The following CACNA1D variants were observed in gnomAD, a reference collection of about 807,000 sequenced individuals.
CACNA1D encodes calcium voltage-gated channel subunit alpha1 D.
Under a neutral mutation model 257.1 loss-of-function variants are expected in CACNA1D, and 55 were observed. The observed-to-expected ratio is 0.21, with a 90% CI of 0.17 to 0.27. The LOEUF is 0.27. CACNA1D is among the 10% of genes least tolerant of loss of function. The probability of loss-of-function intolerance (pLI) is 1.00; values close to 1 mark genes in which losing one functional copy is unlikely to be tolerated. For synonymous variants in CACNA1D, 980 were observed against 1,014.9 expected (o/e 0.97, Z 0.65); for missense variants, 1,876 against 2,784.0 (o/e 0.67, Z 7.34).
intron 3 of CACNA1D, among the ~76,000 whole-genome samples, chr3:53,647,147 C>T (rs569954090): frequency 1.3e-5 from 2 of 152,192 alleles, no homozygotes; most frequent in Admixed American, 6.5e-5. Flanking sequence ...GGGGGACATC[C>T]GTCCATATAC....
At chr3:53,520,849 C>CCTTTCTTTCTTTCTCTCTTT (rs2091527718) in intron 3 of CACNA1D, among the ~76,000 whole-genome samples, 1 of 133,000 alleles carries the variant, frequency 7.5e-6, no homozygotes, top group South Asian at 2.6e-4. Flanking sequence ...TTTGCAAACT[C>CCTTTCTTTCTTTCTCTCTTT]CTTTCTTTCT....
intron 7 of CACNA1D, among the ~76,000 whole-genome samples, chr3:53,672,758 CTGTGTGTGTGTGTGTGTGTGTGTGTGTG>C (rs57956658): frequency 2.3e-4 from 22 of 95,088 alleles, no homozygotes; most frequent in East Asian, 5.8e-4. Context: ...CTTGATGACT[CTGTGTGTGTGTGTGTGTGTGTGTGTGTG>C]TGTGTGTGTG....
intron 9 of CACNA1D, 80 bp from the exon 10 acceptor site, chr3:53,718,220 TG>T: frequency 8.3e-7 from 1 of 1,198,600 alleles, no homozygotes; most frequent in South Asian, 1.2e-5. Flanking sequence ...GTCTGCCTGG[TG>T]GCAGAGGCTC....
intron 3 of CACNA1D, among the ~76,000 whole-genome samples, chr3:53,572,355 CTGGT>C (rs2092959302): frequency 9.1e-6 from 1 of 109,658 alleles, no homozygotes; most frequent in Non-Finnish European, 2.0e-5. Flanking sequence ...CTCTCTGCCT[CTGGT>C]TTGTTTGTTT....
intron 3 of CACNA1D, among the ~76,000 whole-genome samples, chr3:53,569,008 G>A (rs1289560095): frequency 6.6e-6 from 1 of 152,050 alleles, no homozygotes; most frequent in Non-Finnish European, 1.5e-5. Flanking sequence ...CCTCGTTAAT[G>A]CACTTTCTTC....
At chr3:53,767,491 T>C (rs749870581) in intron 30 of CACNA1D, among the ~76,000 whole-genome samples, 4 of 149,698 alleles carry the variant, frequency 2.7e-5, no homozygotes, top group Admixed American at 6.7e-5. Flanking sequence ...GCTGATATCC[T>C]GTAGGCAGAG....
chr3:53,691,757 T>TTA (rs2094524175), intron 8 of CACNA1D, among the ~76,000 whole-genome samples: 1 of 113,060 alleles, frequency 8.8e-6, no homozygotes, highest in Non-Finnish European at 1.7e-5. Context: ...ATAATATATA[T>TTA]TACATATAAT....
chr3:53,790,973 T>C, intron 40 of CACNA1D: 1 of 702,410 alleles, frequency 1.4e-6, no homozygotes, highest in Non-Finnish European at 2.6e-6. Flanking sequence ...CTGATTCGTT[T>C]GTTTCAGATG....
At chr3:53,674,479 C>T (rs530359923) in intron 8 of CACNA1D, among the ~76,000 whole-genome samples, 3 of 152,290 alleles carry the variant, frequency 2.0e-5, no homozygotes, top group African/African-American at 7.2e-5. Context: ...ACAGAGACCC[C>T]GTCATTCAGT....
intron 8 of CACNA1D, among the ~76,000 whole-genome samples, chr3:53,695,442 C>T (rs2094564927): frequency 6.6e-6 from 1 of 152,186 alleles, no homozygotes; most frequent in African/African-American, 2.4e-5. Context: ...TTCTCCATCC[C>T]TCCTCCTGCC....
chr3:53,731,982 C>A lies in CACNA1D; in HGVS notation c.2407-34C>A, dbSNP rs202134928. On this transcript the variant is annotated intron_variant, in intron 17 of 47. Coordinates refer to ENST00000350061, the MANE Select transcript of CACNA1D (RefSeq NM_001128840.3). ...CTCTCTGAAGTGATTTTAAGTCAGT[C>A]TCCCCTCCTCCCAAGATGTCTTTGT... The A allele has an allele frequency of 8.8e-5, 122 of 1,387,112 alleles. No homozygotes were observed. The Admixed American group carries it at 2.0e-3, about 23-fold the overall frequency. The allele number at this position is 1,387,112 out of a possible 1,614,324, so 85.9% of individuals were successfully genotyped here.
At chr3:53,647,675 C>T (rs1354310084) in intron 3 of CACNA1D, among the ~76,000 whole-genome samples, 1 of 152,238 alleles carries the variant, frequency 6.6e-6, no homozygotes, top group Non-Finnish European at 1.5e-5. Context: ...TCCCACTTCT[C>T]CTGAACGACG....
intron 3 of CACNA1D, among the ~76,000 whole-genome samples, chr3:53,643,751 G>A (rs2093989044): frequency 6.6e-6 from 1 of 152,242 alleles, no homozygotes; most frequent in Non-Finnish European, 1.5e-5. Context: ...GCCCTCCACT[G>A]TGTCCCTGCA....
chr3:53,757,062 T>G (rs1340158206), intron 29 of CACNA1D, among the ~76,000 whole-genome samples: 2 of 152,230 alleles, frequency 1.3e-5, no homozygotes, highest in Non-Finnish European at 2.9e-5. Context: ...GGTGCTGTCC[T>G]CATGCTGCTG....
chr3:53,748,353 G>GGT (rs1244185504), intron 26 of CACNA1D, among the ~76,000 whole-genome samples: 2 of 152,156 alleles, frequency 1.3e-5, no homozygotes, highest in Non-Finnish European at 2.9e-5. Flanking sequence ...GAGTTCTTGG[G>GGT]GTGTGTGTAA....
intron 21 of CACNA1D, among the ~76,000 whole-genome samples, chr3:53,740,771 G>A (rs536682921): frequency 1.3e-5 from 2 of 152,106 alleles, no homozygotes; most frequent in Non-Finnish European, 2.9e-5. Context: ...TTTGTCAACT[G>A]ATAACACATA....
At chr3:53,778,703 G>A (rs1287581428) in intron 37 of CACNA1D, among the ~76,000 whole-genome samples, 1 of 152,164 alleles carries the variant, frequency 6.6e-6, no homozygotes, top group African/African-American at 2.4e-5. Context: ...AGTGACTGGG[G>A]TCCAGAGAGG....
At chr3:53,528,429 C>T (rs941918851) in intron 3 of CACNA1D, among the ~76,000 whole-genome samples, 1 of 152,134 alleles carries the variant, frequency 6.6e-6, no homozygotes, top group African/African-American at 2.4e-5. Flanking sequence ...ATTACTGATG[C>T]TTTGTTTTAA....
In CACNA1D at chr3:53,775,991, G is replaced by T. The variant is rs2095394940; in HGVS notation, c.4308G>T (p.Gly1436=). The T allele has an allele frequency of 1.9e-6, 3 of 1,614,020 alleles. No homozygotes were observed. The highest frequency in any genetic ancestry group is 1.7e-5 in the Admixed American group (1 of 60,002). The stretch of plus-strand genomic sequence containing the variant: ...ACCCCGGGGAGGAGTATACATGTGG[G>T]AGCAACTTTGCCATTGTCTATTTCA... ...DYNPGEEYTC[G]SNFAIVYFIS... is the part of the protein sequence containing the mutation. The change falls in exon 35 of 48, where the codon GGG becomes GGT. Residue 1436 remains glycine (G), a synonymous_variant. Coordinates refer to ENST00000350061, the MANE Select transcript of CACNA1D (RefSeq NM_001128840.3).
Sources: gnomAD v4.1 joint callset for allele counts (sites outside exome capture counted in the v4.1 genomes callset) on GRCh38, gnomAD v4.1.1 for gene constraint, MANE v1.5 for transcripts, NCBI Gene and HGNC (gene_info 2026-07-23, HGNC 2026-07-21) for gene names.